Variants in UNC5D observed in about 807,000 individuals in gnomAD.
UNC5D encodes netrin receptor UNC5D.
In UNC5D, 39 loss-of-function variants were observed where a neutral mutation model predicts 105.4. The ratio of observed to expected loss-of-function variants is 0.37; its 90% CI spans 0.29 to 0.48. UNC5D has a LOEUF of 0.48. Ranked by LOEUF, UNC5D falls within the 20% of genes least tolerant of loss-of-function variation. The probability of loss-of-function intolerance (pLI) is 0.98; values close to 1 mark genes in which losing one functional copy is unlikely to be tolerated. For synonymous variants in UNC5D, 452 were observed against 450.4 expected, an observed-to-expected ratio of 1.00 and a Z score of -0.04; for missense variants, 991 against 1,202.4, an observed-to-expected ratio of 0.82 and a Z score of 2.60.
chr8:35,538,336 G>A (rs1299084296), intron 1 of UNC5D, among the ~76,000 whole-genome samples: 2 of 146,890 alleles, frequency 1.4e-5, no homozygotes, highest in East Asian at 2.0e-4. Context: ...TGAAGCTAGT[G>A]GTAAATACAG....
At chr8:35,394,489 T>A (rs909498635) in intron 1 of UNC5D, among the ~76,000 whole-genome samples, 5 of 152,086 alleles carry the variant, frequency 3.3e-5, no homozygotes, top group Non-Finnish European at 5.9e-5. Context: ...GATATATTTT[T>A]AAAAATAATG....
intron 4 of UNC5D, among the ~76,000 whole-genome samples, chr8:35,608,912 G>T (rs1820497022): frequency 6.6e-6 from 1 of 151,604 alleles, no homozygotes; most frequent in African/African-American, 2.4e-5. Context: ...TTTTTTGGCG[G>T]GTAGATACTC....
chr8:35,769,666 A>G (rs1449520564), intron 15 of UNC5D, among the ~76,000 whole-genome samples: 1 of 152,176 alleles, frequency 6.6e-6, no homozygotes, highest in Non-Finnish European at 1.5e-5. Context: ...CATATAATGC[A>G]TAAAAACTGT....
intron 1 of UNC5D, among the ~76,000 whole-genome samples, chr8:35,330,720 A>T (rs1810550149): frequency 6.6e-6 from 1 of 152,218 alleles, no homozygotes; most frequent in African/African-American, 2.4e-5. Flanking sequence ...TGATTACCAT[A>T]GAGTGGCATA....
chr8:35,419,703 T>G (rs999030344), intron 1 of UNC5D, among the ~76,000 whole-genome samples: 1 of 152,256 alleles, frequency 6.6e-6, no homozygotes, highest in Non-Finnish European at 1.5e-5. Flanking sequence ...GTGGGGTATG[T>G]GGTGCCCAGC....
chr8:35,416,774 G>T (rs117555699), intron 1 of UNC5D, among the ~76,000 whole-genome samples: 3 of 152,196 alleles, frequency 2.0e-5, no homozygotes, highest in African/African-American at 7.2e-5. Flanking sequence ...TGCATCAGTT[G>T]CAGACAAACT....
Position 35,544,153 on chromosome 8 carries a change from G to A in UNC5D, c.104-5139G>A, listed in dbSNP as rs749691847. Among the ~76,000 whole-genome samples the A allele has an allele frequency of 1.8e-4, 27 of 152,242 alleles. 1 individual carries two copies. The Middle Eastern group carries it at 0.01, about 58-fold the overall frequency. On this transcript the variant is annotated intron_variant, in intron 1 of 16. Coordinates refer to ENST00000404895, the MANE Select transcript of UNC5D (RefSeq NM_080872.4). ...CTGTGTCTCTTAAATGACCGAATCC[G>A]TGTAGAAGGCTTATTACCACAATCT...
In UNC5D at chr8:35,669,810, A is replaced by C. The variant is rs181733498; in HGVS notation, c.571-13737A>C. ...TAAGGAAATCATCCGTCCCTTATTT[A>C]TGCAGAAAAAAAAATCCAAGTCCAG... On this transcript the variant is annotated intron_variant, in intron 4 of 16. Coordinates refer to ENST00000404895, the MANE Select transcript of UNC5D (RefSeq NM_080872.4). Among the ~76,000 whole-genome samples the C allele has an allele frequency of 5.3e-4, 80 of 152,256 alleles. No homozygotes were observed. In the South Asian group the frequency reaches 5.8e-3, roughly 11 times the overall value.
At chr8:35,386,023 C>A (rs1156456955) in intron 1 of UNC5D, among the ~76,000 whole-genome samples, 1 of 152,150 alleles carries the variant, frequency 6.6e-6, no homozygotes, top group African/African-American at 2.4e-5. Flanking sequence ...TCAGGTGTGT[C>A]CATAGCATGA....
chr8:35,521,519 AATTG>A (rs1813479061), intron 1 of UNC5D, among the ~76,000 whole-genome samples: 1 of 152,198 alleles, frequency 6.6e-6, no homozygotes, highest in African/African-American at 2.4e-5. Context: ...ATAGAAAGAT[AATTG>A]ATTAACTAAT....
intron 1 of UNC5D, among the ~76,000 whole-genome samples, chr8:35,271,997 G>A (rs984109601): frequency 1.2e-4 from 18 of 151,906 alleles, no homozygotes; most frequent in Admixed American, 1.0e-3. Flanking sequence ...TTAGCTGCAC[G>A]TGCTGTAGAG....
chr8:35,512,508 A>C (rs1294816553), intron 1 of UNC5D, among the ~76,000 whole-genome samples: 6 of 91,616 alleles, frequency 6.5e-5, no homozygotes, highest in African/African-American at 2.5e-4. Flanking sequence ...ATATATATAT[A>C]TCTGCATAGA....
chr8:35,240,858 C>T (rs1802760827), intron 1 of UNC5D, among the ~76,000 whole-genome samples: 1 of 151,962 alleles, frequency 6.6e-6, no homozygotes, highest in Non-Finnish European at 1.5e-5. Flanking sequence ...AAATAACCGC[C>T]CTCTCCCCAT....
intron 2 of UNC5D, among the ~76,000 whole-genome samples, chr8:35,558,129 A>AAAG (rs1355582855): frequency 6.7e-6 from 1 of 148,606 alleles, no homozygotes; most frequent in African/African-American, 2.5e-5. Flanking sequence ...TTCGTCTCAA[A>AAAG]AAAAAAAAAA....
chr8:35,533,409 G>C (rs1814564472), intron 1 of UNC5D, among the ~76,000 whole-genome samples: 1 of 152,074 alleles, frequency 6.6e-6, no homozygotes, highest in African/African-American at 2.4e-5. Context: ...CCAGTTCTCA[G>C]ATCTCCAGCT....
chr8:35,458,144 G>A (rs950305088), intron 1 of UNC5D, among the ~76,000 whole-genome samples: 5 of 152,038 alleles, frequency 3.3e-5, no homozygotes, highest in African/African-American at 7.3e-5. Flanking sequence ...TCGCTCTTTC[G>A]GAACAGAATG....
chr8:35,311,420 G>T (rs1402171568), intron 1 of UNC5D, among the ~76,000 whole-genome samples: 1 of 152,104 alleles, frequency 6.6e-6, no homozygotes, highest in Non-Finnish European at 1.5e-5. Flanking sequence ...TTTTGTGCGA[G>T]CTTGGCTGGG....
At chr8:35,366,532 T>A (rs1008620978) in intron 1 of UNC5D, among the ~76,000 whole-genome samples, 6 of 152,112 alleles carry the variant, frequency 3.9e-5, no homozygotes, top group African/African-American at 1.4e-4. Flanking sequence ...CAAACTGTCC[T>A]CCATTTGCTT....
intron 3 of UNC5D, among the ~76,000 whole-genome samples, chr8:35,577,312 G>A (rs1034991617): frequency 6.6e-6 from 1 of 152,190 alleles, no homozygotes; most frequent in Non-Finnish European, 1.5e-5. Flanking sequence ...GTTACATTCA[G>A]TTGTGAGGTC....
Sources: allele counts gnomAD v4.1 joint callset (sites outside exome capture counted in the v4.1 genomes callset), GRCh38; gene constraint gnomAD v4.1.1; transcripts MANE v1.5; gene names NCBI Gene and HGNC (gene_info 2026-07-23, HGNC 2026-07-21).